SNX29: variants seen among roughly 807,000 people sequenced by gnomAD.
SNX29 encodes sorting nexin 29.
In SNX29, 78 loss-of-function variants were observed where a neutral mutation model predicts 102.1. The observed-to-expected ratio is 0.76, with a 90% CI of 0.64 to 0.92. SNX29 has a LOEUF of 0.92. Among genes scored for constraint, SNX29 ranks in the 40% least tolerant of loss-of-function variants. The pLI, the probability that SNX29 is intolerant of heterozygous loss-of-function variation, is 0.00. For missense variants in SNX29, 1,280 were observed against 1,061.7 expected (o/e 1.21, Z -2.86); for synonymous variants, 580 against 414.5 (o/e 1.40, Z -4.85).
chr16:12,102,922 G>C (rs548972676), intron 11 of SNX29, among the ~76,000 whole-genome samples: 4 of 152,162 alleles, frequency 2.6e-5, no homozygotes, highest in African/African-American at 7.2e-5. Flanking sequence ...TAATAATAGA[G>C]AGCCAAATCA....
At chr16:12,134,445 G>C (rs1308670983) in intron 13 of SNX29, among the ~76,000 whole-genome samples, 1 of 152,208 alleles carries the variant, frequency 6.6e-6, no homozygotes. Context: ...CTTGACTGGG[G>C]ATGGAGGGTC....
rs186354905 is a variant in SNX29, at chr16:12,568,758, C to T, written c.*129C>T. ...GGTGATCCTGAGAGCACACGATTCC[C>T]AACAGTTACACAACACCCCGATTAA... On this transcript the variant is annotated 3_prime_UTR_variant, in exon 21 of 21. Transcript: ENST00000566228. 15 of 1,355,296 alleles carry T rather than the reference C, an allele frequency of 1.1e-5. No homozygotes were observed. Among genetic ancestry groups the T allele is most frequent in the East Asian group, 7.5e-5 (3 of 39,970 alleles). The allele number at this position is 1,355,296 out of a possible 1,614,324, so 84.0% of individuals were successfully genotyped here.
At chr16:12,004,442 T>C (rs1331498661) in intron 3 of SNX29, among the ~76,000 whole-genome samples, 2 of 151,942 alleles carry the variant, frequency 1.3e-5, no homozygotes, top group East Asian at 1.9e-4. Context: ...AGGAGACACA[T>C]AGGGCTTGGT....
chr16:11,997,002 A>G (rs1197323400), intron 1 of SNX29, among the ~76,000 whole-genome samples: 1 of 152,172 alleles, frequency 6.6e-6, no homozygotes, highest in Non-Finnish European at 1.5e-5. Context: ...GCCTGGGGGT[A>G]AGGCAGGATC....
At chr16:12,089,133 GAGAGAGAGAGAAAAGAGAA>G (rs1398233139) in intron 11 of SNX29, among the ~76,000 whole-genome samples, 2 of 108,552 alleles carry the variant, frequency 1.8e-5, no homozygotes, top group African/African-American at 7.4e-5. Context: ...AGAAAAGAGA[GAGAGAGAGAGAAAAGAGAA>G]AGAGAAAGAA....
intron 18 of SNX29, among the ~76,000 whole-genome samples, chr16:12,425,022 A>G (rs535445986): frequency 6.1e-4 from 93 of 152,392 alleles, no homozygotes; most frequent in African/African-American, 2.0e-3. Flanking sequence ...ATGTGTAACT[A>G]CAGGCAACAG....
chr16:12,002,958 C>T (rs374311944), intron 2 of SNX29, 33 bp from the exon 3 acceptor site: 1 of 1,613,866 alleles, frequency 6.2e-7, no homozygotes. Flanking sequence ...CCCATCCCAA[C>T]AGCTGATCTC....
At chr16:12,276,224 G>T (rs2079246180) in intron 14 of SNX29, among the ~76,000 whole-genome samples, 1 of 152,102 alleles carries the variant, frequency 6.6e-6, no homozygotes, top group African/African-American at 2.4e-5. Flanking sequence ...ATTTTGAGAG[G>T]ATGTGAGTGT....
chr16:11,994,238 C>T (rs1370399782), intron 1 of SNX29, among the ~76,000 whole-genome samples: 1 of 152,214 alleles, frequency 6.6e-6, no homozygotes, highest in Non-Finnish European at 1.5e-5. Context: ...ATTTCTCAGA[C>T]AGGTTTGTGG....
At chr16:12,559,430 C>T (rs533147279) in intron 20 of SNX29, among the ~76,000 whole-genome samples, 6 of 151,578 alleles carry the variant, frequency 4.0e-5, no homozygotes, top group Admixed American at 4.0e-4. Context: ...GGAAAACAAG[C>T]TCAGGGCTCC....
intron 1 of SNX29, among the ~76,000 whole-genome samples, chr16:11,977,197 C>T (rs2055320786): frequency 6.6e-6 from 1 of 152,124 alleles, no homozygotes; most frequent in Non-Finnish European, 1.5e-5. Context: ...TCCAGGTCCC[C>T]CATCCCCAGT....
At chr16:12,238,598 A>G (rs1400666085) in intron 14 of SNX29, among the ~76,000 whole-genome samples, 3 of 152,228 alleles carry the variant, frequency 2.0e-5, no homozygotes, top group Non-Finnish European at 4.4e-5. Context: ...TGCTGGGATT[A>G]CAGGCTTGAG....
intron 16 of SNX29, among the ~76,000 whole-genome samples, chr16:12,389,810 A>G (rs2083461511): frequency 6.6e-6 from 1 of 152,210 alleles, no homozygotes; most frequent in African/African-American, 2.4e-5. Context: ...AGAGGCTAAA[A>G]ACAACCACAG....
At chr16:12,453,051 C>G (rs550412835) in intron 18 of SNX29, among the ~76,000 whole-genome samples, 130 of 152,322 alleles carry the variant, frequency 8.5e-4, no homozygotes, top group Non-Finnish European at 1.4e-3. Flanking sequence ...CTGGGGCTGT[C>G]TCACTTGGTG....
intron 15 of SNX29, among the ~76,000 whole-genome samples, chr16:12,328,682 C>T (rs2081197898): frequency 6.6e-6 from 1 of 152,180 alleles, no homozygotes; most frequent in African/African-American, 2.4e-5. Context: ...CTTGGATGCC[C>T]TCTAAATTTG....
At chr16:12,520,748 G>A (rs1176478822) in intron 19 of SNX29, among the ~76,000 whole-genome samples, 1 of 147,958 alleles carries the variant, frequency 6.8e-6, no homozygotes, top group East Asian at 2.0e-4. Context: ...GCGAAGCTAT[G>A]GGCATGCAAA....
At chr16:12,075,939 C>T (rs548721598) in intron 10 of SNX29, among the ~76,000 whole-genome samples, 32 of 152,206 alleles carry the variant, frequency 2.1e-4, no homozygotes, top group Non-Finnish European at 1.8e-4. Flanking sequence ...TAGCAATCAG[C>T]GAGACTCCAT....
Position 12,416,630 on chromosome 16 carries a change from G to A in SNX29, c.2037+13101G>A, listed in dbSNP as rs192934376. Among the ~76,000 whole-genome samples the A allele has an allele frequency of 1.1e-4, 17 of 152,348 alleles. No homozygotes were observed. The East Asian group carries it at 2.9e-3, about 26-fold the overall frequency. The stretch of plus-strand genomic sequence containing the variant: ...GCTCCCAGTTCTGCAGGCTGTACAA[G>A]AAGCATGGTGTCAGCATCTGCTCGG... On this transcript the variant is annotated intron_variant, in intron 18 of 20. Transcript: ENST00000566228.
At chr16:12,475,881 G>C (rs2087568419) in intron 18 of SNX29, among the ~76,000 whole-genome samples, 1 of 152,200 alleles carries the variant, frequency 6.6e-6, no homozygotes, top group South Asian at 2.1e-4. Context: ...GGCTGAATTT[G>C]GCCCATGGGC....
Sources: allele counts gnomAD v4.1 joint callset (sites outside exome capture counted in the v4.1 genomes callset), GRCh38; gene constraint gnomAD v4.1.1; transcripts MANE v1.5; gene names NCBI Gene and HGNC (gene_info 2026-07-23, HGNC 2026-07-21).